The following PROS1 variants were observed in gnomAD, a reference collection of about 807,000 sequenced individuals.
The protein encoded by PROS1 is protein S.
In PROS1, 29 loss-of-function variants were observed where a neutral mutation model predicts 75.9. The observed-to-expected ratio is 0.38, with a 90% CI of 0.28 to 0.52. PROS1 has a LOEUF of 0.52. Ranked by LOEUF, PROS1 falls within the 20% of genes least tolerant of loss-of-function variation. The pLI, the probability that PROS1 is intolerant of heterozygous loss-of-function variation, is 0.83. For missense variants in PROS1, 680 were observed against 810.3 expected (o/e 0.84, Z 1.95); for synonymous variants, 245 against 280.6 (o/e 0.87, Z 1.27).
intron 1 of PROS1, among the ~76,000 whole-genome samples, chr3:93,955,474 G>A (rs1037702011): frequency 6.6e-6 from 1 of 152,040 alleles, no homozygotes; most frequent in African/African-American, 2.4e-5. Flanking sequence ...ACTATTGCAA[G>A]GACAGAAAAC....
Position 93,875,650 on chromosome 3 carries a change from CT to C in PROS1, c.1871-1246del, listed in dbSNP as rs796170371. 2.0e-3 allele frequency among the ~76,000 whole-genome samples: 302 copies of C among 151,468 alleles called. 1 individual carries two copies. The highest frequency in any genetic ancestry group is 0.014 in the Middle Eastern group (4 of 294). ...TCTATCTATCTATCTATCTATCTATCTATCTATCTATCTATCTATCTATCTA... is the reference window on the plus strand; with the variant it reads ...TCTATCTATCTATCTATCTATCTATCATCTATCTATCTATCTATCTATCTA... On this transcript the variant is annotated intron_variant, in intron 14 of 14. Transcript: ENST00000394236.
intron 1 of PROS1, among the ~76,000 whole-genome samples, chr3:93,956,563 A>ACACACACACAAAC (rs57080075): frequency 1.5e-4 from 19 of 128,378 alleles, no homozygotes; most frequent in Non-Finnish European, 2.4e-4. Flanking sequence ...CACACACACA[A>ACACACACACAAAC]ACACACACAC....
In PROS1 at chr3:93,874,005, T is replaced by A; in HGVS notation, c.*240A>T. The A allele has an allele frequency of 4.7e-6, 2 of 428,816 alleles. No individual in the cohort carries two copies. The highest frequency in any genetic ancestry group is 4.6e-5 in the East Asian group (1 of 21,968). The allele number at this position is 428,816 out of a possible 1,614,324, so 26.6% of individuals were successfully genotyped here. ...GAAACTGTCATTTGTAGGAAAAAAA[T>A]TCAAATTTAAAATTGTTATTTTTCA... On this transcript the variant is annotated 3_prime_UTR_variant, in exon 15 of 15. Transcript: ENST00000394236.
At chr3:93,903,592 A>C (rs189337493) in intron 6 of PROS1, among the ~76,000 whole-genome samples, 1 of 152,182 alleles carries the variant, frequency 6.6e-6, no homozygotes, top group East Asian at 1.9e-4. Flanking sequence ...ATCTCCCAGG[A>C]GGTTGAGGCT....
At chr3:93,947,952 A>C (rs1576210690) in intron 1 of PROS1, among the ~76,000 whole-genome samples, 1 of 152,176 alleles carries the variant, frequency 6.6e-6, no homozygotes. Flanking sequence ...GCACCTAAAT[A>C]GAAGCCTGGT....
In PROS1 at chr3:93,920,425, G is replaced by A. The variant is rs192509936; in HGVS notation, c.259+3815C>T. On this transcript the variant is annotated intron_variant, in intron 3 of 14. Coordinates refer to ENST00000394236, the MANE Select transcript of PROS1 (RefSeq NM_000313.4). ...TTAAGATATTTCTAGATATGTTATG[G>A]GATTTGCTGCTATTGTGAATGCTAT... Among the ~76,000 whole-genome samples, 63 of 152,022 alleles carry A rather than the reference G, an allele frequency of 4.1e-4. No homozygotes were observed. The East Asian group carries it at 0.011, about 27-fold the overall frequency.
intron 7 of PROS1, among the ~76,000 whole-genome samples, 159 bp from the exon 8 acceptor site, chr3:93,898,728 T>C (rs533647091): frequency 6.6e-6 from 1 of 152,242 alleles, no homozygotes; most frequent in African/African-American, 2.4e-5. Flanking sequence ...AACATAATAC[T>C]GAACATGGAA....
In PROS1 at chr3:93,944,846, CA is replaced by C. The variant is rs1217344837; in HGVS notation, c.77-17440del. Among the ~76,000 whole-genome samples, 8 of 151,634 alleles carry C rather than the reference CA, an allele frequency of 5.3e-5. No homozygotes were observed. In the East Asian group the frequency reaches 1.2e-3, roughly 22 times the overall value. ...GGAGATAGAGACACAAAAAACCCTT[CA>C]AAAAAATCAATGAATCTAGGAGCTG... is the stretch of plus-strand genomic sequence containing the variant. On this transcript the variant is annotated intron_variant, in intron 1 of 14. Transcript: ENST00000394236.
Position 93,973,892 on chromosome 3 carries a change from G to T in PROS1, c.-143C>A, listed in dbSNP as rs1228256962. 3 of 544,740 alleles carry T rather than the reference G, an allele frequency of 5.5e-6. No homozygotes were observed. The highest frequency in any genetic ancestry group is 5.8e-5 in the South Asian group (1 of 17,352). The allele number at this position is 544,740 out of a possible 1,614,324, so 33.7% of individuals were successfully genotyped here. A position where few individuals can be genotyped will look rare whatever the true frequency, so the allele number is the denominator to read the frequency against. On this transcript the variant is annotated 5_prime_UTR_variant, in exon 1 of 15. Transcript: ENST00000394236. ...CGCCAGCGACCCAGCGAGCCTCGGC[G>T]GAACAGCCGGGGGCGGAGGAGACCG...
chr3:93,950,416 A>C (rs2107241766), intron 1 of PROS1, among the ~76,000 whole-genome samples: 1 of 152,278 alleles, frequency 6.6e-6, no homozygotes, highest in South Asian at 2.1e-4. Flanking sequence ...AAGTAGCTTA[A>C]CTGGGAGACA....
At chr3:93,967,242 G>T (rs557565895) in intron 1 of PROS1, among the ~76,000 whole-genome samples, 1 of 152,292 alleles carries the variant, frequency 6.6e-6, no homozygotes, top group East Asian at 1.9e-4. Context: ...AGATTATCCG[G>T]TAGATTGTTG....
At chr3:93,970,503 T>C (rs939760897) in intron 1 of PROS1, among the ~76,000 whole-genome samples, 1 of 147,952 alleles carries the variant, frequency 6.8e-6, no homozygotes, top group Non-Finnish European at 1.5e-5. Context: ...ATCCGGCTAA[T>C]TTTTTTTTTT....
intron 7 of PROS1, 44 bp downstream of exon 7, chr3:93,900,760 A>C (rs748819850): frequency 6.2e-7 from 1 of 1,610,604 alleles, no homozygotes; most frequent in Non-Finnish European, 8.5e-7. Context: ...CAGGGTTCAC[A>C]CCCACCCTCT....
intron 1 of PROS1, among the ~76,000 whole-genome samples, chr3:93,946,781 G>C (rs1341164692): frequency 1.4e-5 from 2 of 147,750 alleles, no homozygotes; most frequent in African/African-American, 2.5e-5. Context: ...AAAAGCAGTG[G>C]CAACAAAAGC....
At position 93,971,812 on chromosome 3, in the gene PROS1, A is replaced by G. The variant is rs552424263; in HGVS notation, c.76+1862T>C. Reference sequence around the variant, plus strand: ...GAACTAGACCGTCTCAAAAAAGTAAATAAATAAAAATAAAGTAAAATCAAA... The same window carrying G: ...GAACTAGACCGTCTCAAAAAAGTAAGTAAATAAAAATAAAGTAAAATCAAA... On this transcript the variant is annotated intron_variant, in intron 1 of 14. Transcript: ENST00000394236. Among the ~76,000 whole-genome samples, 7 of 152,264 alleles carry G rather than the reference A, an allele frequency of 4.6e-5. No individual in the cohort carries two copies. In the South Asian group the frequency reaches 1.5e-3, roughly 32 times the overall value.
intron 6 of PROS1, among the ~76,000 whole-genome samples, chr3:93,902,254 C>T (rs950536353): frequency 2.0e-5 from 3 of 152,116 alleles, no homozygotes; most frequent in Admixed American, 1.3e-4. Context: ...ACTATGATTG[C>T]ACCACTCCAC....
At chr3:93,886,641 T>C in intron 10 of PROS1, 138 bp from the exon 11 acceptor site, 1 of 724,426 alleles carries the variant, frequency 1.4e-6, no homozygotes, top group South Asian at 1.9e-5. Context: ...ATTAATTTGT[T>C]ACAACTCATT....
intron 1 of PROS1, among the ~76,000 whole-genome samples, chr3:93,932,225 AATC>A (rs1392006894): frequency 6.6e-6 from 1 of 152,250 alleles, no homozygotes; most frequent in Non-Finnish European, 1.5e-5. Context: ...CTTTAATCTG[AATC>A]ATAACTGTTC....
chr3:93,966,397 G>A (rs781662207), intron 1 of PROS1, among the ~76,000 whole-genome samples: 4 of 152,190 alleles, frequency 2.6e-5, no homozygotes, highest in Non-Finnish European at 5.9e-5. Flanking sequence ...CCACACCAGA[G>A]AAGTTATTAG....
Sources: allele counts gnomAD v4.1 joint callset (sites outside exome capture counted in the v4.1 genomes callset), GRCh38; gene constraint gnomAD v4.1.1; transcripts MANE v1.5; gene names NCBI Gene and HGNC (gene_info 2026-07-23, HGNC 2026-07-21).